The following GDPD3 variants were observed in gnomAD, a reference collection of about 807,000 sequenced individuals.
GDPD3 encodes glycerophosphodiester phosphodiesterase domain containing 3.
GDPD3 carries 40 observed loss-of-function variants against 43.7 expected under a neutral mutation model. The observed-to-expected ratio is 0.91, with a 90% confidence interval of 0.71 to 1.19. The LOEUF (loss-of-function observed/expected upper bound fraction) is 1.19, where lower values mean the gene tolerates loss of function less well. GDPD3 is among the 50% of genes most tolerant of loss of function. GDPD3 has a pLI of 0.00. For missense variants in GDPD3, 363 were observed against 415.8 expected, an observed-to-expected ratio of 0.87 and a Z score of 1.11; for synonymous variants, 145 against 162.9, an observed-to-expected ratio of 0.89 and a Z score of 0.84.
Position 30,112,863 on chromosome 16 carries a change from G to A in GDPD3, c.183-70C>T, listed in dbSNP as rs1196563130. ...ATGAGGGGCATGGTGGCTGGGAGGT[G>A]GCCGGGAATGTGAGAGCGGAGTTCG... On this transcript the variant is annotated intron_variant, in intron 2 of 9. Transcript: ENST00000406256. This position sits in a 1 kb window ranked among gnomAD's most constrained non-coding sequence, Gnocchi z 5.4. 3 of 1,565,104 alleles carry A rather than the reference G, an allele frequency of 1.9e-6. No individual in the cohort carries two copies. The highest frequency in any genetic ancestry group is 2.7e-5 in the African/African-American group (2 of 74,026).
rs1463611759 is a variant in GDPD3 at position 30,113,516 on chromosome 16, C to T, written c.-38G>A. 1.1e-5 allele frequency: 17 copies of T among 1,507,362 alleles called. No homozygotes were observed. The highest frequency in any genetic ancestry group is 1.5e-5 in the Non-Finnish European group (17 of 1,119,824). The allele number at this position is 1,507,362 out of a possible 1,614,324, so 93.4% of individuals were successfully genotyped here. ...ACAGAAGCTCCTGCAGCCACACGCT[C>T]AGCCGTCCGCGGGACTGTGCTGCCT... On this transcript the variant is annotated 5_prime_UTR_variant, in exon 1 of 10. Coordinates refer to ENST00000406256, the MANE Select transcript of GDPD3 (RefSeq NM_024307.3). This position sits in a 1 kb window ranked among gnomAD's most constrained non-coding sequence, Gnocchi z 5.9.
intron 9 of GDPD3, 26 bp downstream of exon 9, chr16:30,108,187 G>A (rs373120317): frequency 1.7e-5 from 26 of 1,562,518 alleles, no homozygotes; most frequent in East Asian, 2.3e-5. Context: ...GTCTGTGTGC[G>A]GTGGAAGTGG....
At chr16:30,110,757 A>G (rs186301552) in intron 7 of GDPD3, 2 of 151,368 alleles carry the variant, frequency 1.3e-5, no homozygotes, top group East Asian at 3.9e-4. Flanking sequence ...CTATACTCCC[A>G]GCTACTTAGG....
At position 30,104,987 on chromosome 16, in the gene GDPD3, T is replaced by C. The variant is rs967813966; in HGVS notation, c.842A>G (p.Glu281Gly). Residue 281 changes from glutamate to glycine, a missense_variant, in exon 10 of 10, where the codon GAA becomes GGA. Coordinates refer to ENST00000406256, the MANE Select transcript of GDPD3 (RefSeq NM_024307.3). ...GAAGGCTGCTTCAAAATCCGACTCT[T>C]CATTAAGGCACCAAAAGACCACCTG... ...GVQVVFWCLN[E>G]ESDFEAAFSV... 5 of 1,611,044 alleles carry C rather than the reference T, an allele frequency of 3.1e-6. No individual in the cohort carries two copies. Among genetic ancestry groups the C allele is most frequent in the African/African-American group, 1.3e-5 (1 of 74,818 alleles).
Position 30,112,657 on chromosome 16 carries a change from C to T in GDPD3, c.318+1G>A, listed in dbSNP as rs766026177. 9 of 1,614,064 alleles carry T rather than the reference C, an allele frequency of 5.6e-6. No individual in the cohort carries two copies. In the East Asian group the frequency reaches 1.8e-4, roughly 32 times the overall value. ...GGTTGGGGTGTCAGGGCAGGGCCCA[C>T]CTCGAAGTCCAGGCTGCCCACATCC... On this transcript the variant is annotated splice_donor_variant, in intron 3 of 9. Coordinates refer to ENST00000406256, the MANE Select transcript of GDPD3 (RefSeq NM_024307.3). LOFTEE classifies it high-confidence loss of function. This position sits in a 1 kb window ranked among gnomAD's most constrained non-coding sequence, Gnocchi z 5.4.
intron 7 of GDPD3, 78 bp from the exon 8 acceptor site, chr16:30,108,510 G>A (rs1383813890): frequency 4.1e-5 from 52 of 1,281,876 alleles, no homozygotes; most frequent in Non-Finnish European, 5.4e-5. Context: ...TAGTGCCCCC[G>A]CCAACTAGGG....
At chr16:30,111,544 G>A in intron 6 of GDPD3, 23 bp from the exon 7 acceptor site, 2 of 1,613,002 alleles carry the variant, frequency 1.2e-6, no homozygotes, top group Non-Finnish European at 1.7e-6. Context: ...GGAGAGGCAT[G>A]AGAATCTGTC....
Position 30,113,237 on chromosome 16 carries a change from T to C in GDPD3, c.139+103A>G. 6.9e-7 allele frequency: 1 copy of C among 1,454,274 alleles called. No homozygotes were observed. Among genetic ancestry groups the C allele is most frequent in the Non-Finnish European group, 9.3e-7 (1 of 1,071,882 alleles). 90.1% of individuals were successfully genotyped at this position (1,454,274 alleles called of 1,614,324 possible). ...TCCACACCCTGCCCTGCCACTTCGC[T>C]CTCCTTCTCTCTTGGTCCCTGCCCC... is the stretch of plus-strand genomic sequence containing the variant. On this transcript the variant is annotated intron_variant, in intron 1 of 9. Transcript: ENST00000406256. The surrounding 1 kb of genome is among the most constrained non-coding windows in gnomAD (Gnocchi z 5.9).
In GDPD3 at chr16:30,104,920, G is replaced by A. The variant is rs772756033; in HGVS notation, c.909C>T (p.Ala303=). 7 of 1,612,630 alleles carry A rather than the reference G, an allele frequency of 4.3e-6. No individual in the cohort carries two copies. The East Asian group carries it at 1.1e-4, about 26-fold the overall frequency. ...ATGVITDYPT[A]LRHYLDNHGP... ...CATGGTTGTCCAGGTAGTGCCGCAG[G>A]GCTGTGGGATAATCCGTTATGACGC... The change falls in exon 10 of 10, where the codon GCC becomes GCT. Residue 303 remains alanine (A), a synonymous_variant. Coordinates refer to ENST00000406256, the MANE Select transcript of GDPD3 (RefSeq NM_024307.3).
Position 30,104,843 on chromosome 16 carries a change from A to C in GDPD3, c.*29T>G, listed in dbSNP as rs778143970. 5.0e-6 allele frequency: 8 copies of C among 1,607,668 alleles called. No homozygotes were observed. The South Asian group carries it at 7.7e-5, about 15-fold the overall frequency. On this transcript the variant is annotated 3_prime_UTR_variant, in exon 10 of 10. Transcript: ENST00000406256. Reference sequence around the variant, plus strand: ...AGGCAAATATTTATTTTTCAGGAAGAGAAACAGGAGACCTCGAGGCTTCTG... The same window carrying C: ...AGGCAAATATTTATTTTTCAGGAAGCGAAACAGGAGACCTCGAGGCTTCTG...
rs1212043370 is a variant in GDPD3 at position 30,104,934 on chromosome 16, C to T, written c.895G>A (p.Asp299Asn). The T allele has an allele frequency of 1.2e-6, 2 of 1,612,746 alleles. No individual in the cohort carries two copies. The highest frequency in any genetic ancestry group is 1.7e-5 in the Admixed American group (1 of 59,996). Residue 299 changes from aspartate (D) to asparagine (N), a missense_variant, in exon 10 of 10, where the codon GAT becomes AAT. By Grantham distance (23) the Asp-to-Asn change is conservative (BLOSUM62 1). Transcript: ENST00000406256. ...TAGTGCCGCAGGGCTGTGGGATAATCCGTTATGACGCCAGTGGCTCCCACG... is the reference window on the plus strand; with the variant it reads ...TAGTGCCGCAGGGCTGTGGGATAATTCGTTATGACGCCAGTGGCTCCCACG... ...FSVGATGVIT[D>N]YPTALRHYLD... is the part of the protein sequence containing the mutation.
chr16:30,110,853 A>T (rs1555486692), intron 7 of GDPD3: 1 of 151,398 alleles, frequency 6.6e-6, no homozygotes, highest in Admixed American at 6.6e-5. Context: ...CCCGAGCAAG[A>T]CTGTCTCAAA....
chr16:30,112,765 C>G lies in GDPD3; in HGVS notation c.211G>C (p.Glu71Gln). ...TCCCGTGTCAGCTGACAGTCGAGCT[C>G]CAGGAGGTCCGAGCGCTGGGCCATG... is the stretch of plus-strand genomic sequence containing the variant. The part of the protein sequence containing the change: ...NSMAQRSDLL[E>Q]LDCQLTRDRV... Residue 71 changes from glutamate (E) to glutamine (Q), a missense_variant, in exon 3 of 10, where the codon GAG becomes CAG. Glu to Gln is a conservative substitution (Grantham distance 29). Coordinates refer to ENST00000406256, the MANE Select transcript of GDPD3 (RefSeq NM_024307.3). The surrounding 1 kb of genome is among the most constrained non-coding windows in gnomAD (Gnocchi z 5.4). The G allele has an allele frequency of 6.2e-7, 1 of 1,611,220 alleles. No individual in the cohort carries two copies. Among genetic ancestry groups the G allele is most frequent in the Non-Finnish European group, 8.5e-7 (1 of 1,179,910 alleles).
intron 7 of GDPD3, 22 bp from the exon 8 acceptor site, chr16:30,108,454 G>C: frequency 6.2e-7 from 1 of 1,612,714 alleles, no homozygotes; most frequent in Non-Finnish European, 8.5e-7. Flanking sequence ...AGGAAGTGGG[G>C]GTTAGCTCCT....
chr16:30,109,293 A>C (rs1250333763), intron 7 of GDPD3, among the ~76,000 whole-genome samples: 4 of 152,160 alleles, frequency 2.6e-5, no homozygotes, highest in Non-Finnish European at 5.9e-5. Flanking sequence ...GCACTTTGAA[A>C]GTCTGAGGTG....
intron 7 of GDPD3, 180 bp from the exon 8 acceptor site, chr16:30,108,612 T>G (rs563551955): frequency 5.0e-6 from 3 of 596,456 alleles, no homozygotes; most frequent in Non-Finnish European, 9.0e-6. Context: ...GAGCCTACTC[T>G]GACCACCACG....
intron 7 of GDPD3, among the ~76,000 whole-genome samples, chr16:30,109,648 A>T (rs2072886028): frequency 1.3e-5 from 2 of 151,960 alleles, no homozygotes; most frequent in Non-Finnish European, 2.9e-5. Context: ...GTCTACTAAA[A>T]ATACAAAATT....
At position 30,112,344 on chromosome 16, in the gene GDPD3, C is replaced by T. The variant is rs1337544118; in HGVS notation, c.445G>A (p.Val149Ile). 7 of 1,614,092 alleles carry T rather than the reference C, an allele frequency of 4.3e-6. 1 individual carries two copies. Among genetic ancestry groups the T allele is most frequent in the Middle Eastern group, 1.6e-4 (1 of 6,084 alleles). ...TCTTCGTTCTTCCCTTTGATCTCTA[C>T]GCTCATGGGTGTCCTTGGAAACCTC... ...FQRFPRTPMS[V>I]EIKGKNEELI... The change falls in exon 5 of 10, where the codon GTA becomes ATA. Residue 149 changes from valine (V) to isoleucine (I), a missense_variant. Coordinates refer to ENST00000406256, the MANE Select transcript of GDPD3 (RefSeq NM_024307.3). The surrounding 1 kb of genome is among the most constrained non-coding windows in gnomAD (Gnocchi z 5.4).
chr16:30,111,283 G>T, intron 7 of GDPD3, 105 bp downstream of exon 7: 1 of 1,295,272 alleles, frequency 7.7e-7, no homozygotes, highest in South Asian at 1.4e-5. Flanking sequence ...AAGACCTTGG[G>T]GGTTATCTCT....
Sources: gnomAD v4.1 joint callset for allele counts (sites outside exome capture counted in the v4.1 genomes callset) on GRCh38, gnomAD v4.1.1 for gene constraint, Gnocchi (gnomAD v3.1) non-coding constraint, MANE v1.5 for transcripts, NCBI Gene and HGNC (gene_info 2026-07-23, HGNC 2026-07-21) for gene names.